The following UBXN2A variants were observed in gnomAD, a reference collection of about 807,000 sequenced individuals.
The protein encoded by UBXN2A is UBX domain protein 2A.
A neutral mutation model predicts 28.4 loss-of-function variants in UBXN2A; 28 were observed. The ratio of observed to expected loss-of-function variants is 0.99; its 90% confidence interval spans 0.73 to 1.35. UBXN2A has a LOEUF of 1.35. UBXN2A is among the 40% of genes most tolerant of loss of function. The pLI, the probability that UBXN2A is intolerant of heterozygous loss-of-function variation, is 0.00. For missense variants in UBXN2A, 253 were observed against 297.9 expected (o/e 0.85, Z 1.11); for synonymous variants, 97 against 103.6 (o/e 0.94, Z 0.39).
In UBXN2A at chr2:24,004,511, G is replaced by A. The variant is rs1017636401; in HGVS notation, c.*4644G>A. The A allele has an allele frequency of 6.6e-6, 1 of 152,168 alleles. No homozygotes were observed. The highest frequency in any genetic ancestry group is 2.4e-5 in the African/African-American group (1 of 41,436). 9.4% of individuals were successfully genotyped at this position (152,168 alleles called of 1,614,324 possible). On this transcript the variant is annotated 3_prime_UTR_variant, in exon 7 of 7. Transcript: ENST00000309033. The stretch of plus-strand genomic sequence containing the variant: ...TATACTAAAAATACAAAAATTAGCT[G>A]GGTGTAGTGGTGTGCGCCTGTAGTC...
chr2:23,999,783 A>C lies in UBXN2A; in HGVS notation c.696A>C (p.Thr232=). 1 of 1,614,198 alleles carries C rather than the reference A, an allele frequency of 6.2e-7. No homozygotes were observed. The highest frequency in any genetic ancestry group is 8.5e-7 in the Non-Finnish European group (1 of 1,180,026). The change falls in exon 7 of 7, where the codon ACA becomes ACC. Residue 232 remains threonine (T), a synonymous_variant. Transcript: ENST00000309033. ...TCAGGTTGCTAGATGAGACACTCAC[A>C]CTGGAAGAAGCAGATTTACAGAATG... ...PVLRLLDETL[T]LEEADLQNAV...
At chr2:23,985,671 G>A (rs544847395) in intron 6 of UBXN2A, among the ~76,000 whole-genome samples, 5 of 148,908 alleles carry the variant, frequency 3.4e-5, no homozygotes, top group African/African-American at 7.4e-5. Flanking sequence ...GCGAGCCACC[G>A]TGCCCAGCTG....
chr2:23,981,476 T>TAAAAAAAAAAA (rs55665209), intron 4 of UBXN2A, among the ~76,000 whole-genome samples: 14 of 28,912 alleles, frequency 4.8e-4, no homozygotes, highest in Admixed American at 7.0e-4. Flanking sequence ...AGCTCCTATC[T>TAAAAAAAAAAA]AAAAAAAAAA....
At chr2:23,995,936 C>G (rs1395528304) in intron 6 of UBXN2A, among the ~76,000 whole-genome samples, 1 of 152,026 alleles carries the variant, frequency 6.6e-6, no homozygotes, top group East Asian at 1.9e-4. Context: ...TGTTCTGTCA[C>G]CCAATTTGGA....
At chr2:23,964,890 T>A (rs1707099512) in intron 2 of UBXN2A, among the ~76,000 whole-genome samples, 4 of 152,166 alleles carry the variant, frequency 2.6e-5, no homozygotes, top group Non-Finnish European at 5.9e-5. Context: ...ACGTCTGTAA[T>A]CCTAGCACTG....
rs1708747632 is a variant in UBXN2A, at chr2:24,002,876, G to A, written c.*3009G>A. 1 of 152,124 alleles carries A rather than the reference G, an allele frequency of 6.6e-6. No homozygotes were observed. Among genetic ancestry groups the A allele is most frequent in the Non-Finnish European group, 1.5e-5 (1 of 68,036 alleles). 9.4% of individuals were successfully genotyped at this position (152,124 alleles called of 1,614,324 possible). A position where few individuals can be genotyped will look rare whatever the true frequency, so the allele number is the denominator to read the frequency against. On this transcript the variant is annotated 3_prime_UTR_variant, in exon 7 of 7. Coordinates refer to ENST00000309033, the MANE Select transcript of UBXN2A (RefSeq NM_181713.4). ...ACTCTGGAAAACACCTCTGTATACT[G>A]GTGAAAGAATGAAAAGAAGCAAATA...
intron 2 of UBXN2A, 56 bp from the exon 3 acceptor site, chr2:23,971,219 AG>A: frequency 7.0e-7 from 1 of 1,435,772 alleles, no homozygotes; most frequent in Non-Finnish European, 9.2e-7. Context: ...GAACAAAATA[AG>A]TAAATTTTTA....
At chr2:23,946,040 C>A (rs1473519657) in intron 1 of UBXN2A, among the ~76,000 whole-genome samples, 1 of 152,102 alleles carries the variant, frequency 6.6e-6, no homozygotes, top group South Asian at 2.1e-4. Context: ...CCAGGTTGGC[C>A]AGCCTGGTCT....
chr2:23,954,054 C>T (rs979577567), intron 1 of UBXN2A, among the ~76,000 whole-genome samples: 9 of 152,030 alleles, frequency 5.9e-5, no homozygotes, highest in African/African-American at 2.2e-4. Context: ...CTCTTGTTGC[C>T]CAGGCTGGAG....
upstream of UBXN2A, among the ~76,000 whole-genome samples, chr2:23,939,845 C>A (rs1331471005): frequency 3.3e-5 from 5 of 152,076 alleles, no homozygotes; most frequent in East Asian, 9.6e-4. Flanking sequence ...CGCGGTGGCT[C>A]ACGCCTGTAA....
intron 1 of UBXN2A, among the ~76,000 whole-genome samples, chr2:23,954,062 G>T (rs1573548261): frequency 6.6e-6 from 1 of 152,048 alleles, no homozygotes; most frequent in Admixed American, 6.6e-5. Context: ...GCCCAGGCTG[G>T]AGTGCAATGG....
Position 23,976,953 on chromosome 2 carries a change from T to A in UBXN2A, c.181-16T>A. 1 of 1,585,622 alleles carries A rather than the reference T, an allele frequency of 6.3e-7. No individual in the cohort carries two copies. Among genetic ancestry groups the A allele is most frequent in the South Asian group, 1.1e-5 (1 of 90,276 alleles). ...TTTTATTAACATGACGCATTTTGTT[T>A]CCTACTGTTTTGCAGGTAGATGTAA... is the stretch of plus-strand genomic sequence containing the variant. On this transcript the variant is annotated splice_polypyrimidine_tract_variant and intron_variant, in intron 3 of 6. Transcript: ENST00000309033.
At chr2:23,988,398 G>C (rs373067221) in intron 6 of UBXN2A, among the ~76,000 whole-genome samples, 1 of 152,106 alleles carries the variant, frequency 6.6e-6, no homozygotes, top group African/African-American at 2.4e-5. Flanking sequence ...CTTAGTTGTC[G>C]TATCTCAGTT....
At chr2:23,971,461 T>C in intron 3 of UBXN2A, 47 bp downstream of exon 3, 1 of 1,468,642 alleles carries the variant, frequency 6.8e-7, no homozygotes, top group Non-Finnish European at 9.1e-7. Flanking sequence ...TGTTTCTCAA[T>C]ATATGGACCT....
At chr2:23,988,519 T>G (rs1050033670) in intron 6 of UBXN2A, among the ~76,000 whole-genome samples, 1 of 152,174 alleles carries the variant, frequency 6.6e-6, no homozygotes, top group African/African-American at 2.4e-5. Flanking sequence ...GGTCACTAAT[T>G]TTGGCAGGGG....
intron 1 of UBXN2A, among the ~76,000 whole-genome samples, chr2:23,949,041 A>G (rs1706231420): frequency 1.3e-5 from 2 of 150,240 alleles, no homozygotes; most frequent in African/African-American, 4.9e-5. Flanking sequence ...CCCTGGTTCA[A>G]GTGATTCTCC....
chr2:23,973,340 C>CT (rs1165746385), intron 3 of UBXN2A, among the ~76,000 whole-genome samples: 1,411 of 136,710 alleles, frequency 0.01, 14 homozygotes, highest in Middle Eastern at 0.047. Flanking sequence ...TTCTTTTTTT[C>CT]TTTTTTTTTT....
chr2:23,964,438 G>C (rs1411007262), intron 2 of UBXN2A, among the ~76,000 whole-genome samples: 4 of 152,134 alleles, frequency 2.6e-5, no homozygotes, highest in Non-Finnish European at 4.4e-5. Context: ...TCAAACTCCT[G>C]ACCTCAAGTG....
chr2:23,931,687 C>A (rs13421535), intron 1 of UBXN2A, among the ~76,000 whole-genome samples: 4 of 152,282 alleles, frequency 2.6e-5, no homozygotes, highest in Admixed American at 2.6e-4. Flanking sequence ...TGCATTTGCT[C>A]AACCCCAGTG....
Sources: gnomAD v4.1 joint callset for allele counts (sites outside exome capture counted in the v4.1 genomes callset) on GRCh38, gnomAD v4.1.1 for gene constraint, MANE v1.5 for transcripts, NCBI Gene and HGNC (gene_info 2026-07-23, HGNC 2026-07-21) for gene names.